IDO1: variants seen among roughly 807,000 people sequenced by gnomAD.
The protein encoded by IDO1 is indolamine 2,3 dioxygenase.
IDO1 carries 35 observed loss-of-function variants against 38.8 expected under a neutral mutation model. The ratio of observed to expected loss-of-function variants is 0.90; its 90% CI spans 0.69 to 1.20. IDO1 has a LOEUF of 1.20. Among genes scored for constraint, IDO1 ranks in the 50% most tolerant of loss-of-function variants. The pLI is 0.00. For missense variants in IDO1, 509 were observed against 485.1 expected (o/e 1.05, Z -0.46); for synonymous variants, 171 against 170.0 (o/e 1.01, Z -0.05).
rs201671570 is a variant in IDO1, at chr8:39,923,507, A to G, written c.576A>G (p.Glu192=). 281 of 1,613,292 alleles carry G rather than the reference A, an allele frequency of 1.7e-4. 2 individuals are homozygous for G. The African/African-American group carries it at 3.1e-3, about 18-fold the overall frequency. The change falls in exon 7 of 10, where the codon GAA becomes GAG. Residue 192 remains glutamate (E), a synonymous_variant. Transcript: ENST00000518237. ...TATTCAAGGCAATGCAAATGCAAGA[A>G]CGGGACACTTTGCTAAAGGCGCTGT... ...PTVFKAMQMQ[E]RDTLLKALLE...
At position 39,922,620 on chromosome 8, in the gene IDO1, T is replaced by C. The variant is rs1807292065; in HGVS notation, c.506T>C (p.Leu169Ser). The C allele has an allele frequency of 1.2e-6, 2 of 1,613,140 alleles. No homozygotes were observed. The highest frequency in any genetic ancestry group is 1.7e-5 in the Admixed American group (1 of 59,994). The change falls in exon 6 of 10, where the codon TTG (leucine) becomes TCG (serine). Residue 169 changes from leucine to serine, a missense_variant. Transcript: ENST00000518237. ...AAAGGATTCTTCCTGGTCTCTCTAT[T>C]GGTGGAAATAGCAGCTGCTTCTGCA... ...CSKGFFLVSL[L>S]VEIAAASAIK... is the part of the protein sequence containing the mutation.
chr8:39,926,629 G>T (rs577066421), intron 9 of IDO1, among the ~76,000 whole-genome samples: 84 of 152,148 alleles, frequency 5.5e-4, no homozygotes, highest in Non-Finnish European at 1.0e-3. Flanking sequence ...CATCGGGCTG[G>T]GTAAAAACAT....
At chr8:39,915,504 C>T (rs1413837073) in intron 1 of IDO1, 1 of 152,188 alleles carries the variant, frequency 6.6e-6, no homozygotes, top group African/African-American at 2.4e-5. Flanking sequence ...CATCTACCTC[C>T]TTCCAATCTA....
At chr8:39,920,241 G>T in intron 5 of IDO1, 127 bp downstream of exon 5, 1 of 665,354 alleles carries the variant, frequency 1.5e-6, no homozygotes, top group Non-Finnish European at 2.5e-6. Flanking sequence ...TAATTTAAGT[G>T]ACTATTTAGA....
chr8:39,918,142 C>T lies in IDO1; in HGVS notation c.238C>T (p.Arg80Cys), dbSNP rs767234834. The stretch of plus-strand genomic sequence containing the variant: ...AGACCACAAGTCACAGCGCCTTGCA[C>T]GTCTAGTTCTGGGATGCATCACCAT... The part of the protein sequence containing the change: ...LTDHKSQRLA[R>C]LVLGCITMAY... The change falls in exon 3 of 10, where the codon CGT becomes TGT. Residue 80 changes from arginine to cysteine, a missense_variant. Physicochemically the swap from Arg to Cys is radical, Grantham distance 180 (BLOSUM62 -3). Coordinates refer to ENST00000518237, the MANE Select transcript of IDO1 (RefSeq NM_002164.6). 9 of 1,613,774 alleles carry T rather than the reference C, an allele frequency of 5.6e-6. No homozygotes were observed. Among genetic ancestry groups the T allele is most frequent in the African/African-American group, 2.7e-5 (2 of 74,904 alleles).
At chr8:39,923,199 T>C (rs1197570618) in intron 6 of IDO1, among the ~76,000 whole-genome samples, 1 of 151,698 alleles carries the variant, frequency 6.6e-6, no homozygotes, top group African/African-American at 2.4e-5. Flanking sequence ...AAGTCAGGAG[T>C]TCGAGACCAG....
At chr8:39,927,248 G>C (rs1586214503) in intron 9 of IDO1, among the ~76,000 whole-genome samples, 1 of 152,214 alleles carries the variant, frequency 6.6e-6, no homozygotes, top group Admixed American at 6.5e-5. Flanking sequence ...GCTTCTTACA[G>C]TAGAAAAGAG....
intron 9 of IDO1, among the ~76,000 whole-genome samples, chr8:39,927,456 A>C (rs1232961551): frequency 6.7e-6 from 1 of 150,070 alleles, no homozygotes; most frequent in African/African-American, 2.5e-5. Flanking sequence ...GCTACTCCGG[A>C]GGCTGAGGCA....
chr8:39,924,825 C>T, intron 8 of IDO1, 53 bp downstream of exon 8: 3 of 1,314,220 alleles, frequency 2.3e-6, no homozygotes, highest in Non-Finnish European at 3.3e-6. Flanking sequence ...AAGAACACCA[C>T]CAAATTCTCT....
chr8:39,925,798 C>A (rs545614875), intron 9 of IDO1, among the ~76,000 whole-genome samples: 3 of 143,040 alleles, frequency 2.1e-5, no homozygotes, highest in Non-Finnish European at 4.6e-5. Flanking sequence ...GCAGGAGAAT[C>A]GCCTGAACCC....
At chr8:39,925,412 A>C in intron 9 of IDO1, 41 bp downstream of exon 9, 1 of 1,555,940 alleles carries the variant, frequency 6.4e-7, no homozygotes, top group South Asian at 1.2e-5. Context: ...TCTTATGTGA[A>C]TACAATAGTA....
chr8:39,927,901 T>G lies in IDO1; in HGVS notation c.928T>G (p.Leu310Val). ...PPAHRNFLCS[L>V]ESNPSVREFV... Reference sequence around the variant, plus strand: ...AGCTCACAGGAACTTCCTGTGCTCATTAGAGTCAAATCCCTCAGTCCGTGA... The same window carrying G: ...AGCTCACAGGAACTTCCTGTGCTCAGTAGAGTCAAATCCCTCAGTCCGTGA... Residue 310 changes from leucine to valine, a missense_variant, in exon 10 of 10, where the codon TTA becomes GTA. Transcript: ENST00000518237. The G allele has an allele frequency of 6.2e-7, 1 of 1,606,574 alleles. No individual in the cohort carries two copies. Among genetic ancestry groups the G allele is most frequent in the South Asian group, 1.1e-5 (1 of 89,588 alleles).
chr8:39,918,610 G>T (rs1014710036), intron 3 of IDO1, among the ~76,000 whole-genome samples: 5 of 151,808 alleles, frequency 3.3e-5, no homozygotes, highest in Admixed American at 6.6e-5. Flanking sequence ...GCCAGGCATG[G>T]TGGCAGGTGC....
rs796383324 is a variant in IDO1, at chr8:39,918,182, G to A, written c.278G>A (p.Gly93Asp). The A allele has an allele frequency of 1.9e-6, 3 of 1,613,788 alleles. No individual in the cohort carries two copies. The highest frequency in any genetic ancestry group is 2.5e-6 in the Non-Finnish European group (3 of 1,179,750). ...LGCITMAYVW[G>D]KGHGDVRKVL... Reference sequence around the variant, plus strand: ...TGCATCACCATGGCATATGTGTGGGGCAAAGGTCATGGAGATGTCCGTAAG... The same window carrying A: ...TGCATCACCATGGCATATGTGTGGGACAAAGGTCATGGAGATGTCCGTAAG... The change falls in exon 3 of 10, where the codon GGC becomes GAC. Residue 93 changes from glycine (G) to aspartate (D), a missense_variant. Physicochemically the swap from Gly to Asp is moderately conservative, Grantham distance 94. Coordinates refer to ENST00000518237, the MANE Select transcript of IDO1 (RefSeq NM_002164.6).
At chr8:39,927,802 G>T in intron 9 of IDO1, 28 bp from the exon 10 acceptor site, 1 of 1,421,728 alleles carries the variant, frequency 7.0e-7, no homozygotes, top group Non-Finnish European at 9.4e-7. Context: ...TGTGACCTCC[G>T]TATTTCCTCT....
chr8:39,923,044 T>C (rs1807297881), intron 6 of IDO1: 1 of 212,208 alleles, frequency 4.7e-6, no homozygotes, highest in Non-Finnish European at 9.4e-6. Flanking sequence ...GTAAGGAAAT[T>C]AGTCAAATAG....
At chr8:39,914,431 A>G (rs1807142191) in intron 1 of IDO1, among the ~76,000 whole-genome samples, 1 of 152,216 alleles carries the variant, frequency 6.6e-6, no homozygotes, top group Non-Finnish European at 1.5e-5. Context: ...TATGCAAAAC[A>G]TGTGTTTCTA....
At chr8:39,927,359 G>A (rs181255617) in intron 9 of IDO1, among the ~76,000 whole-genome samples, 1,657 of 152,110 alleles carry the variant, frequency 0.011, 15 homozygotes, top group Non-Finnish European at 0.016. Flanking sequence ...TCAGGAGTTC[G>A]AGACCAGCCT....
At chr8:39,919,504 C>T (rs1454620856) in intron 4 of IDO1, among the ~76,000 whole-genome samples, 1 of 151,910 alleles carries the variant, frequency 6.6e-6, no homozygotes, top group African/African-American at 2.4e-5. Context: ...GCAGTCTGCT[C>T]AGGATATAGG....
Sources: allele counts gnomAD v4.1 joint callset (sites outside exome capture counted in the v4.1 genomes callset), GRCh38; gene constraint gnomAD v4.1.1; transcripts MANE v1.5; gene names NCBI Gene and HGNC (gene_info 2026-07-23, HGNC 2026-07-21).